The following PREB variants were observed in gnomAD, a reference collection of about 807,000 sequenced individuals.
The protein encoded by PREB is prolactin regulatory element binding, also known as guanine nucleotide-exchange factor SEC12.
Under a neutral mutation model 46.7 loss-of-function variants are expected in PREB, and 29 were observed. The observed-to-expected ratio is 0.62, with a 90% CI of 0.46 to 0.85. PREB has a LOEUF of 0.85. Among genes scored for constraint, PREB ranks in the 40% least tolerant of loss-of-function variants. The probability of loss-of-function intolerance (pLI) is 0.00; values close to 1 mark genes in which losing one functional copy is unlikely to be tolerated. For synonymous variants in PREB, 224 were observed against 220.1 expected (o/e 1.02, Z -0.16); for missense variants, 494 against 528.4 (o/e 0.93, Z 0.64).
At position 27,132,571 on chromosome 2, in the gene PREB, CCT is replaced by C; in HGVS notation, c.752+30_752+31del. 1 of 1,612,968 alleles carries C rather than the reference CCT, an allele frequency of 6.2e-7. No homozygotes were observed. The highest frequency in any genetic ancestry group is 8.5e-7 in the Non-Finnish European group (1 of 1,179,766). Reference sequence around the variant, plus strand: ...TCTCCCCCACCACAGCTGGGCTATGCCTCTTTCAGCCACCACCCAAAGTCTTC... The same window carrying C: ...TCTCCCCCACCACAGCTGGGCTATGCCTTTCAGCCACCACCCAAAGTCTTC... On this transcript the variant is annotated intron_variant, in intron 5 of 8. Coordinates refer to ENST00000260643, the MANE Select transcript of PREB (RefSeq NM_013388.6). This position sits in a 1 kb window ranked among gnomAD's most constrained non-coding sequence, Gnocchi z 4.0.
rs927158636 is a variant in PREB at position 27,134,540 on chromosome 2, A to C, written c.-119T>G. The C allele has an allele frequency of 1.5e-6, 2 of 1,364,892 alleles. No homozygotes were observed. The highest frequency in any genetic ancestry group is 3.0e-5 in the East Asian group (1 of 33,814). 84.5% of individuals were successfully genotyped at this position (1,364,892 alleles called of 1,614,324 possible). A position where few individuals can be genotyped will look rare whatever the true frequency, so the allele number is the denominator to read the frequency against. On this transcript the variant is annotated 5_prime_UTR_variant, in exon 1 of 9. Transcript: ENST00000260643. ...CCCGTCGCCGCCGGGAGCACTCCCT[A>C]CCCCTCTCACACCGGGGAGTTGCCA...
At chr2:27,131,976 C>T in intron 7 of PREB, 34 bp downstream of exon 7, 1 of 1,605,122 alleles carries the variant, frequency 6.2e-7, no homozygotes, top group Non-Finnish European at 8.5e-7. Flanking sequence ...GCCTACAGTC[C>T]ACCCACAGGG....
Position 27,134,535 on chromosome 2 carries a change from T to C in PREB, c.-114A>G, listed in dbSNP as rs2148421759. ...TCGGCCCCGTCGCCGCCGGGAGCACTCCCTACCCCTCTCACACCGGGGAGT... is the reference window on the plus strand; with the variant it reads ...TCGGCCCCGTCGCCGCCGGGAGCACCCCCTACCCCTCTCACACCGGGGAGT... On this transcript the variant is annotated 5_prime_UTR_variant, in exon 1 of 9. Transcript: ENST00000260643. 4 of 1,375,642 alleles carry C rather than the reference T, an allele frequency of 2.9e-6. No individual in the cohort carries two copies. Among genetic ancestry groups the C allele is most frequent in the Non-Finnish European group, 3.7e-6 (4 of 1,072,776 alleles). 85.2% of individuals were successfully genotyped at this position (1,375,642 alleles called of 1,614,324 possible).
Position 27,134,005 on chromosome 2 carries a change from G to A in PREB, c.135+282C>T, listed in dbSNP as rs559822552. The A allele has an allele frequency of 1.1e-4, 67 of 608,758 alleles. 1 individual carries two copies. The South Asian group carries it at 1.4e-3, about 12-fold the overall frequency. The allele number at this position is 608,758 out of a possible 1,614,324, so 37.7% of individuals were successfully genotyped here. On this transcript the variant is annotated intron_variant, in intron 1 of 8. Transcript: ENST00000260643. ...GCTAGAGGGCAGGCAAGACCTCCCG[G>A]AAAAGGCCAGTATAAGACCCCTGGA... is the stretch of plus-strand genomic sequence containing the variant.
Position 27,133,351 on chromosome 2 carries a change from A to T in PREB, c.326-14T>A. ...GCTCCTTGGAACCTGTAACACAAAC[A>T]CTTGGCCAGGTTCCAGGCTTCTACA... On this transcript the variant is annotated splice_polypyrimidine_tract_variant and intron_variant, in intron 2 of 8. Coordinates refer to ENST00000260643, the MANE Select transcript of PREB (RefSeq NM_013388.6). 1 of 1,613,644 alleles carries T rather than the reference A, an allele frequency of 6.2e-7. No homozygotes were observed. The highest frequency in any genetic ancestry group is 8.5e-7 in the Non-Finnish European group (1 of 1,179,836).
intron 3 of PREB, 62 bp downstream of exon 3, chr2:27,133,055 T>C: frequency 6.3e-7 from 1 of 1,594,188 alleles, no homozygotes; most frequent in Non-Finnish European, 8.6e-7. Flanking sequence ...CACGTTCAAC[T>C]TCTCACAATT....
At position 27,133,196 on chromosome 2, in the gene PREB, A is replaced by G; in HGVS notation, c.467T>C (p.Leu156Pro). The G allele has an allele frequency of 6.2e-7, 1 of 1,614,212 alleles. No homozygotes were observed. Among genetic ancestry groups the G allele is most frequent in the African/African-American group, 1.3e-5 (1 of 75,048 alleles). Residue 156 changes from leucine to proline, a missense_variant, in exon 3 of 9, where the codon CTG (leucine) becomes CCG (proline). By Grantham distance (98) the Leu-to-Pro change is moderately conservative (BLOSUM62 -3). Coordinates refer to ENST00000260643, the MANE Select transcript of PREB (RefSeq NM_013388.6). ...GTGGTTGAAGCACACAACTTTCTGC[A>G]GTGGATCGGAGCTAAAGTCTGTCTG... ...AVQTDFSSDP[L>P]QKVVCFNHDN...
rs776522897 is a variant in PREB, at chr2:27,132,418, AG to A, written c.753-16del. The stretch of plus-strand genomic sequence containing the variant: ...CCTGCCCAAACCTGGGGGCCGGATG[AG>A]GGGCTATTCAGCTCCTAGGGCCTGC... On this transcript the variant is annotated splice_polypyrimidine_tract_variant and intron_variant, in intron 5 of 8. Transcript: ENST00000260643. This position sits in a 1 kb window ranked among gnomAD's most constrained non-coding sequence, Gnocchi z 4.0. 2 of 1,607,648 alleles carry A rather than the reference AG, an allele frequency of 1.2e-6. No individual in the cohort carries two copies. Among genetic ancestry groups the A allele is most frequent in the Admixed American group, 1.7e-5 (1 of 59,884 alleles).
chr2:27,132,389 G>A lies in PREB; in HGVS notation c.767C>T (p.Pro256Leu), dbSNP rs374529283. 2.8e-5 allele frequency: 45 copies of A among 1,611,506 alleles called. No individual in the cohort carries two copies. The highest frequency in any genetic ancestry group is 3.2e-5 in the Non-Finnish European group (38 of 1,179,468). The change falls in exon 6 of 9, where the codon CCA (proline) becomes CTA (leucine). Residue 256 changes from proline (P) to leucine (L), a missense_variant. Coordinates refer to ENST00000260643, the MANE Select transcript of PREB (RefSeq NM_013388.6). This position sits in a 1 kb window ranked among gnomAD's most constrained non-coding sequence, Gnocchi z 4.0. ...GAGTCGCAGGCCAGCAGGCTGGTCT[G>A]GAACCTGCCCAAACCTGGGGGCCGG... The part of the protein sequence containing the change: ...RYQACRFGQV[P>L]DQPAGLRLFT...
chr2:27,133,984 G>C, intron 1 of PREB: 1 of 605,648 alleles, frequency 1.7e-6, no homozygotes, highest in Non-Finnish European at 2.9e-6. Context: ...GCCGCTGCTA[G>C]AGGGCAGGCA....
rs894123637 is a variant in PREB at position 27,131,235 on chromosome 2, C to G, written c.*179G>C. On this transcript the variant is annotated 3_prime_UTR_variant, in exon 9 of 9. Transcript: ENST00000260643. ...ATGACGAAGGCAAGGTTCCTGGGAC[C>G]TGGAGTCACACAGGGCCATAGCCAA... The G allele has an allele frequency of 1.6e-5, 10 of 631,726 alleles. No homozygotes were observed. The highest frequency in any genetic ancestry group is 5.8e-5 in the Admixed American group (2 of 34,600). The allele number at this position is 631,726 out of a possible 1,614,324, so 39.1% of individuals were successfully genotyped here. A position where few individuals can be genotyped will look rare whatever the true frequency, so the allele number is the denominator to read the frequency against.
chr2:27,133,406 C>A, intron 2 of PREB, 69 bp from the exon 3 acceptor site: 1 of 1,598,340 alleles, frequency 6.3e-7, no homozygotes, highest in Non-Finnish European at 8.6e-7. Context: ...CTCTCCATGG[C>A]AGGTGCCCAT....
chr2:27,133,854 C>T, intron 1 of PREB, 133 bp from the exon 2 acceptor site: 1 of 800,768 alleles, frequency 1.2e-6, no homozygotes, highest in Non-Finnish European at 1.9e-6. Flanking sequence ...TTTTTTCTCT[C>T]ATTTGGGCCT....
intron 3 of PREB, 56 bp downstream of exon 3, chr2:27,133,061 C>G: frequency 6.3e-7 from 1 of 1,596,816 alleles, no homozygotes; most frequent in Non-Finnish European, 8.6e-7. Context: ...CAACTTCTCA[C>G]AATTTTGATC....
Position 27,134,498 on chromosome 2 carries a change from C to T in PREB, c.-77G>A. On this transcript the variant is annotated 5_prime_UTR_variant, in exon 1 of 9. Coordinates refer to ENST00000260643, the MANE Select transcript of PREB (RefSeq NM_013388.6). Reference sequence around the variant, plus strand: ...GCCGGGCCTTCGACTACTGCCCCGGCGGCTGGTGAACTCGGCCCCGTCGCC... The same window carrying T: ...GCCGGGCCTTCGACTACTGCCCCGGTGGCTGGTGAACTCGGCCCCGTCGCC... 1 of 1,397,766 alleles carries T rather than the reference C, an allele frequency of 7.2e-7. No homozygotes were observed. The highest frequency in any genetic ancestry group is 9.2e-7 in the Non-Finnish European group (1 of 1,085,188). 86.6% of individuals were successfully genotyped at this position (1,397,766 alleles called of 1,614,324 possible). A position where few individuals can be genotyped will look rare whatever the true frequency, so the allele number is the denominator to read the frequency against.
Position 27,132,182 on chromosome 2 carries a change from A to G in PREB, c.926+48T>C, listed in dbSNP as rs746244096. 2 of 1,612,198 alleles carry G rather than the reference A, an allele frequency of 1.2e-6. No homozygotes were observed. The highest frequency in any genetic ancestry group is 8.5e-7 in the Non-Finnish European group (1 of 1,178,284). ...GGGACCCAGGCAGGACTCCTTTCCA[A>G]GCTCCCTCAGGGACCCCCTACCTAG... is the stretch of plus-strand genomic sequence containing the variant. On this transcript the variant is annotated intron_variant, in intron 6 of 8. Transcript: ENST00000260643. The surrounding 1 kb of genome is among the most constrained non-coding windows in gnomAD (Gnocchi z 4.0).
rs74551204 is a variant in PREB, at chr2:27,131,504, A to G, written c.1164T>C (p.Ser388=). The G allele has an allele frequency of 2.2e-3, 3,483 of 1,590,184 alleles. 85 individuals carry two copies. The African/African-American group carries it at 0.042, about 19-fold the overall frequency. The stretch of plus-strand genomic sequence containing the variant: ...GCAGGAGCAGGAGCCACACAGGAAC[A>G]CTCCCTGCAGGAGGGAAAGGGAGGA... ...CQLHLLPSRR[S]VPVWLLLLLC... is the part of the protein sequence containing the mutation. The change falls in exon 9 of 9, where the codon AGT becomes AGC. Residue 388 remains serine (S), a synonymous_variant. Transcript: ENST00000260643.
At chr2:27,134,041 G>A (rs1672395366) in intron 1 of PREB, 1 of 631,926 alleles carries the variant, frequency 1.6e-6, no homozygotes, top group African/African-American at 1.8e-5. Flanking sequence ...GCTGCTCTGA[G>A]GCGGAGCTGA....
In PREB at chr2:27,132,170, G is replaced by T. The variant is rs757909676; in HGVS notation, c.926+60C>A. ...TACCGGTCCGTAGGGACCCAGGCAG[G>T]ACTCCTTTCCAAGCTCCCTCAGGGA... On this transcript the variant is annotated intron_variant, in intron 6 of 8. Coordinates refer to ENST00000260643, the MANE Select transcript of PREB (RefSeq NM_013388.6). The surrounding 1 kb of genome is among the most constrained non-coding windows in gnomAD (Gnocchi z 4.0). 72 of 1,610,396 alleles carry T rather than the reference G, an allele frequency of 4.5e-5. 2 individuals are homozygous for T. In the South Asian group the frequency reaches 7.4e-4, roughly 16 times the overall value.
Sources: gnomAD v4.1 joint callset for allele counts on GRCh38, gnomAD v4.1.1 for gene constraint, Gnocchi (gnomAD v3.1) non-coding constraint, MANE v1.5 for transcripts, NCBI Gene and HGNC (gene_info 2026-07-23, HGNC 2026-07-21) for gene names.